Variants in ADAMTS12 observed in about 807,000 individuals in gnomAD.
ADAMTS12 encodes the protein A disintegrin and metalloproteinase with thrombospondin motifs 12.
In ADAMTS12, 118 loss-of-function variants were observed where a neutral mutation model predicts 167.8. The ratio of observed to expected loss-of-function variants is 0.70; its 90% CI spans 0.61 to 0.82. The LOEUF is 0.82. ADAMTS12 is among the 40% of genes least tolerant of loss of function. The probability of loss-of-function intolerance (pLI) is 0.00; values close to 1 mark genes in which losing one functional copy is unlikely to be tolerated. For synonymous variants in ADAMTS12, 704 were observed against 716.9 expected, an observed-to-expected ratio of 0.98 and a Z score of 0.29; for missense variants, 1,916 against 1,998.8, an observed-to-expected ratio of 0.96 and a Z score of 0.79.
At position 33,588,699 on chromosome 5, in the gene ADAMTS12, G is replaced by A. The variant is rs145444871; in HGVS notation, c.2765C>T (p.Pro922Leu). 10 of 1,613,982 alleles carry A rather than the reference G, an allele frequency of 6.2e-6. No individual in the cohort carries two copies. The highest frequency in any genetic ancestry group is 5.3e-5 in the African/African-American group (4 of 74,908). The change falls in exon 18 of 24, where the codon CCG becomes CTG. Residue 922 changes from proline to leucine, a missense_variant. By Grantham distance (98) the Pro-to-Leu change is moderately conservative. Transcript: ENST00000504830. ...QTMVSDEQAL[P>L]PTDCQHLLKP... Reference sequence around the variant, plus strand: ...CAGCAGGTGCTGGCAGTCTGTGGGCGGGAGAGCCTGCTCGTCAGAGACCAT... The same window carrying A: ...CAGCAGGTGCTGGCAGTCTGTGGGCAGGAGAGCCTGCTCGTCAGAGACCAT...
At chr5:33,800,803 TGA>T (rs377003320) in intron 2 of ADAMTS12, among the ~76,000 whole-genome samples, 4 of 152,294 alleles carry the variant, frequency 2.6e-5, no homozygotes, top group African/African-American at 9.6e-5. Flanking sequence ...AGAAATTTTG[TGA>T]GCTGGTGTTA....
chr5:33,630,858 C>G lies in ADAMTS12; in HGVS notation c.1944G>C (p.Met648Ile), dbSNP rs1244902537. Residue 648 changes from methionine (M) to isoleucine (I), a missense_variant, in exon 13 of 24, where the codon ATG becomes ATC. Coordinates refer to ENST00000504830, the MANE Select transcript of ADAMTS12 (RefSeq NM_030955.4). ...RPIDGQFSEK[M>I]LDAVIDGTPC... ...GGGTACCATCAATGACAGCATCCAG[C>G]ATTTTCTCAGAAAACTGGCCATCTA... 2 of 1,613,600 alleles carry G rather than the reference C, an allele frequency of 1.2e-6. No homozygotes were observed. Among genetic ancestry groups the G allele is most frequent in the African/African-American group, 2.7e-5 (2 of 74,888 alleles).
At chr5:33,853,802 C>T (rs919047441) in intron 2 of ADAMTS12, among the ~76,000 whole-genome samples, 4 of 152,178 alleles carry the variant, frequency 2.6e-5, no homozygotes, top group Admixed American at 6.5e-5. Context: ...ATACAAATCA[C>T]CTGGGGATCT....
Position 33,534,866 on chromosome 5 carries a change from T to G in ADAMTS12, c.4573A>C (p.Lys1525Gln), listed in dbSNP as rs1204250858. Residue 1525 changes from lysine to glutamine, a missense_variant, in exon 23 of 24, where the codon AAA (lysine) becomes CAA (glutamine). Lys to Gln is a moderately conservative substitution (Grantham distance 53, BLOSUM62 1). Transcript: ENST00000504830. ...DHKPRPPEFKKCNQQACKKSA... is the reference protein window; with the variant it reads ...DHKPRPPEFKQCNQQACKKSA... ...TTCTTGCAGGCCTGCTGGTTGCATT[T>G]TTTGAATTCTGGAGGTCTGGGTTTG... 1 of 1,614,028 alleles carries G rather than the reference T, an allele frequency of 6.2e-7. No individual in the cohort carries two copies. Among genetic ancestry groups the G allele is most frequent in the African/African-American group, 1.3e-5 (1 of 75,040 alleles).
At chr5:33,682,755 A>G (rs62352064) in intron 5 of ADAMTS12, among the ~76,000 whole-genome samples, 8,028 of 152,258 alleles carry the variant, frequency 0.053, 438 homozygotes, top group East Asian at 0.17. Context: ...ATCTTTAGTG[A>G]CTGCGGTGAG....
At chr5:33,811,845 C>T (rs1747472768) in intron 2 of ADAMTS12, among the ~76,000 whole-genome samples, 2 of 152,080 alleles carry the variant, frequency 1.3e-5, no homozygotes, top group Admixed American at 1.3e-4. Context: ...TGGACCAGGA[C>T]GGTTCTGGTG....
intron 2 of ADAMTS12, among the ~76,000 whole-genome samples, chr5:33,858,671 G>A (rs2961906): frequency 0.24 from 20,252 of 84,632 alleles, 2,391 homozygotes; most frequent in East Asian, 0.51. Context: ...AAAAAAAAAA[G>A]AAAAGAAAAA....
intron 3 of ADAMTS12, among the ~76,000 whole-genome samples, chr5:33,688,055 C>T (rs1561215343): frequency 6.6e-6 from 1 of 152,240 alleles, no homozygotes. Context: ...AGGCTTTAAG[C>T]AACTAAAGGG....
chr5:33,632,032 T>G (rs1012602775), intron 12 of ADAMTS12, among the ~76,000 whole-genome samples: 4 of 152,160 alleles, frequency 2.6e-5, no homozygotes, highest in African/African-American at 7.2e-5. Flanking sequence ...AGTGCAAATT[T>G]CACACAAATG....
At chr5:33,764,194 G>C (rs961149910) in intron 2 of ADAMTS12, among the ~76,000 whole-genome samples, 2 of 152,202 alleles carry the variant, frequency 1.3e-5, no homozygotes, top group Non-Finnish European at 2.9e-5. Flanking sequence ...TACTTCTCAA[G>C]TCATCTATGA....
chr5:33,586,693 A>G (rs1747370038), intron 18 of ADAMTS12, among the ~76,000 whole-genome samples: 2 of 152,366 alleles, frequency 1.3e-5, no homozygotes, highest in Non-Finnish European at 1.5e-5. Flanking sequence ...GGATGCGGCC[A>G]ACACATTTTT....
At chr5:33,887,023 A>G (rs1342208669) in intron 1 of ADAMTS12, among the ~76,000 whole-genome samples, 1 of 152,064 alleles carries the variant, frequency 6.6e-6, no homozygotes, top group Non-Finnish European at 1.5e-5. Flanking sequence ...TGTAACCTCC[A>G]AGCAGAGACA....
At chr5:33,884,429 T>C (rs892394855) in intron 1 of ADAMTS12, among the ~76,000 whole-genome samples, 1 of 152,198 alleles carries the variant, frequency 6.6e-6, no homozygotes, top group African/African-American at 2.4e-5. Flanking sequence ...TGGTCAGCTC[T>C]GTCACCAAAT....
chr5:33,685,394 C>T (rs1465863624), intron 3 of ADAMTS12, among the ~76,000 whole-genome samples: 2 of 152,316 alleles, frequency 1.3e-5, no homozygotes, highest in East Asian at 3.9e-4. Flanking sequence ...ACTATACCTC[C>T]TCCTGAGGCC....
chr5:33,620,700 A>G (rs1217189699), intron 14 of ADAMTS12, among the ~76,000 whole-genome samples: 1 of 152,128 alleles, frequency 6.6e-6, no homozygotes, highest in Non-Finnish European at 1.5e-5. Flanking sequence ...TGTATATTTT[A>G]TGGTAGTAAA....
chr5:33,759,464 G>A (rs559894061), intron 2 of ADAMTS12, among the ~76,000 whole-genome samples: 79 of 152,272 alleles, frequency 5.2e-4, no homozygotes, highest in African/African-American at 1.9e-3. Flanking sequence ...TTCCTCATCT[G>A]TAAAATGACC....
intron 2 of ADAMTS12, among the ~76,000 whole-genome samples, chr5:33,845,509 A>C (rs1205862188): frequency 2.0e-5 from 3 of 152,242 alleles, no homozygotes; most frequent in Non-Finnish European, 4.4e-5. Context: ...CATATTAAAT[A>C]ATGATGTTAC....
At chr5:33,588,882 C>G in intron 17 of ADAMTS12, 73 bp from the exon 18 acceptor site, 1 of 1,555,512 alleles carries the variant, frequency 6.4e-7, no homozygotes, top group Non-Finnish European at 8.7e-7. Context: ...ACTGAGAAAG[C>G]AGGGGCAGAA....
intron 2 of ADAMTS12, among the ~76,000 whole-genome samples, chr5:33,798,738 C>T (rs1283016446): frequency 6.6e-6 from 1 of 152,126 alleles, no homozygotes; most frequent in Non-Finnish European, 1.5e-5. Flanking sequence ...CCACTCCTAG[C>T]GGCTTCTTAT....
Sources: allele counts gnomAD v4.1 joint callset (sites outside exome capture counted in the v4.1 genomes callset), GRCh38; gene constraint gnomAD v4.1.1; transcripts MANE v1.5; gene names NCBI Gene and HGNC (gene_info 2026-07-23, HGNC 2026-07-21).